Variants in EPHA6 observed in about 807,000 individuals in gnomAD.
EPHA6 encodes the protein EPH receptor A6.
In EPHA6, 50 loss-of-function variants were observed where a neutral mutation model predicts 112.0. The observed-to-expected ratio is 0.45, with a 90% CI of 0.36 to 0.56. EPHA6 has a LOEUF of 0.56. Ranked by LOEUF, EPHA6 falls within the 20% of genes least tolerant of loss-of-function variation. The pLI, the probability that EPHA6 is intolerant of heterozygous loss-of-function variation, is 0.00. For synonymous variants in EPHA6, 529 were observed against 490.7 expected, an observed-to-expected ratio of 1.08 and a Z score of -1.03; for missense variants, 1,280 against 1,417.4, an observed-to-expected ratio of 0.90 and a Z score of 1.56.
At chr3:97,589,800 C>T (rs767875465) in intron 11 of EPHA6, among the ~76,000 whole-genome samples, 1 of 152,116 alleles carries the variant, frequency 6.6e-6, no homozygotes, top group Non-Finnish European at 1.5e-5. Context: ...AAATACTCCA[C>T]GGAATGTAAC....
chr3:96,995,400 TAA>T (rs1232873109), intron 3 of EPHA6, among the ~76,000 whole-genome samples: 1 of 152,118 alleles, frequency 6.6e-6, no homozygotes, highest in East Asian at 1.9e-4. Flanking sequence ...ACACTGAATA[TAA>T]ACTCTTATAT....
chr3:97,676,893 A>G (rs1419511138), intron 14 of EPHA6, among the ~76,000 whole-genome samples: 1 of 152,186 alleles, frequency 6.6e-6, no homozygotes, highest in African/African-American at 2.4e-5. Context: ...TTTGCAGTTT[A>G]GAAGAAAGGA....
intron 2 of EPHA6, among the ~76,000 whole-genome samples, chr3:96,915,644 A>G (rs575884511): frequency 3.3e-5 from 5 of 152,258 alleles, no homozygotes; most frequent in African/African-American, 1.2e-4. Context: ...GGGTTTAAAT[A>G]AAAATATGCG....
Position 97,113,853 on chromosome 3 carries a change from G to A in EPHA6, c.1115-112411G>A, listed in dbSNP as rs72922307. Among the ~76,000 whole-genome samples the A allele has an allele frequency of 8.2e-3, 1,247 of 152,028 alleles. 19 individuals carry two copies. Among genetic ancestry groups the A allele is most frequent in the African/African-American group, 0.022 (929 of 41,482 alleles). ...TTTTTTCTTATAATTCAGCTATAAG[G>A]AAAAGAAAAACAAAAACAATATTTT... On this transcript the variant is annotated intron_variant, in intron 3 of 17. Coordinates refer to ENST00000389672, the MANE Select transcript of EPHA6 (RefSeq NM_001080448.3).
At chr3:97,105,507 TCC>T (rs2047539316) in intron 3 of EPHA6, among the ~76,000 whole-genome samples, 2 of 152,180 alleles carry the variant, frequency 1.3e-5, no homozygotes, top group African/African-American at 2.4e-5. Context: ...TGGACTATTG[TCC>T]AATAGTGTGT....
intron 5 of EPHA6, among the ~76,000 whole-genome samples, chr3:97,267,258 C>T (rs1181505426): frequency 2.0e-5 from 3 of 152,028 alleles, no homozygotes; most frequent in African/African-American, 4.8e-5. Context: ...TCCAATGGGT[C>T]TATCTTGGTG....
intron 1 of EPHA6, among the ~76,000 whole-genome samples, chr3:96,835,303 A>G (rs556112068): frequency 6.6e-6 from 1 of 152,232 alleles, no homozygotes; most frequent in East Asian, 1.9e-4. Context: ...TGTGGTGATG[A>G]AAGTATGTAC....
intron 13 of EPHA6, among the ~76,000 whole-genome samples, chr3:97,620,941 C>G (rs1394692875): frequency 1.3e-5 from 2 of 151,986 alleles, no homozygotes; most frequent in Non-Finnish European, 2.9e-5. Context: ...AGAAATCGTT[C>G]TATTATAAAC....
At chr3:97,649,238 C>A (rs960603562) in intron 14 of EPHA6, among the ~76,000 whole-genome samples, 1 of 152,014 alleles carries the variant, frequency 6.6e-6, no homozygotes, top group Non-Finnish European at 1.5e-5. Context: ...TGGTGACAGG[C>A]AAGTGAGAGC....
At chr3:97,143,469 A>G (rs140240555) in intron 3 of EPHA6, among the ~76,000 whole-genome samples, 2,830 of 151,896 alleles carry the variant, frequency 0.019, 42 homozygotes, top group South Asian at 0.038. Flanking sequence ...AGATTGTACC[A>G]TATCTGTATT....
chr3:96,995,003 G>C (rs1450584233), intron 3 of EPHA6, among the ~76,000 whole-genome samples: 1 of 151,884 alleles, frequency 6.6e-6, no homozygotes, highest in East Asian at 1.9e-4. Context: ...TTTTCTAGTA[G>C]TGCATTAAAA....
intron 3 of EPHA6, among the ~76,000 whole-genome samples, chr3:97,052,870 C>T (rs1456908478): frequency 6.6e-6 from 1 of 152,076 alleles, no homozygotes; most frequent in Non-Finnish European, 1.5e-5. Flanking sequence ...CCATCTCTAT[C>T]AGGGGAGGCC....
At chr3:97,720,464 T>G (rs1237444607) in intron 15 of EPHA6, 54 bp downstream of exon 15, 2 of 1,483,326 alleles carry the variant, frequency 1.3e-6, no homozygotes, top group East Asian at 4.9e-5. Flanking sequence ...CACATTAGCT[T>G]GAGGGGGAAT....
chr3:97,178,583 C>T (rs2076900308), intron 3 of EPHA6, among the ~76,000 whole-genome samples: 1 of 152,034 alleles, frequency 6.6e-6, no homozygotes, highest in African/African-American at 2.4e-5. Context: ...GTCTTTATTT[C>T]TCCTTTATGT....
intron 3 of EPHA6, among the ~76,000 whole-genome samples, chr3:97,196,559 A>G (rs1366301074): frequency 6.6e-6 from 1 of 152,044 alleles, no homozygotes; most frequent in Non-Finnish European, 1.5e-5. Context: ...CAGGCATTGA[A>G]GAGTTGGATA....
At position 96,850,322 on chromosome 3, in the gene EPHA6, G is replaced by GAT. The variant is rs1225350137; in HGVS notation, c.386-16501_386-16500dup. ...AGTCAGAAGCTGGACTGCACCAGGA[G>GAT]ATAGCCCAATAATTAGCGCTTAGGG... On this transcript the variant is annotated intron_variant, in intron 1 of 17. Coordinates refer to ENST00000389672, the MANE Select transcript of EPHA6 (RefSeq NM_001080448.3). Among the ~76,000 whole-genome samples the GAT allele has an allele frequency of 3.3e-5, 5 of 152,250 alleles. No homozygotes were observed. In the East Asian group the frequency reaches 9.7e-4, roughly 29 times the overall value.
Position 97,544,769 on chromosome 3 carries a change from G to T in EPHA6, c.2386+12226G>T, listed in dbSNP as rs371992909. ...TATTGATTATTGCCTCAATTTCAGA[G>T]CCTGTTATTGGTCTATTCAGAGATT... On this transcript the variant is annotated intron_variant, in intron 11 of 17. Transcript: ENST00000389672. Among the ~76,000 whole-genome samples the T allele has an allele frequency of 3.6e-4, 55 of 152,268 alleles. 1 individual carries two copies. In the East Asian group the frequency reaches 9.6e-3, roughly 27 times the overall value.
rs538691449 is a variant in EPHA6 at position 97,483,458 on chromosome 3, C to G, written c.2075-476C>G. ...TCTATGCCATGAAGTCAGTTCTTTA[C>G]TGCTTGAGGTTTTCTGGAAAAGGGG... On this transcript the variant is annotated intron_variant, in intron 9 of 17. Transcript: ENST00000389672. 2.0e-5 allele frequency among the ~76,000 whole-genome samples: 3 copies of G among 152,266 alleles called. No homozygotes were observed. In the East Asian group the frequency reaches 5.8e-4, roughly 29 times the overall value.
At chr3:97,320,041 C>G (rs2082035817) in intron 5 of EPHA6, among the ~76,000 whole-genome samples, 1 of 152,002 alleles carries the variant, frequency 6.6e-6, no homozygotes, top group Non-Finnish European at 1.5e-5. Context: ...CTCTCCTCAC[C>G]CTCTTTCTTT....
Sources: allele counts gnomAD v4.1 joint callset (sites outside exome capture counted in the v4.1 genomes callset), GRCh38; gene constraint gnomAD v4.1.1; transcripts MANE v1.5; gene names NCBI Gene and HGNC (gene_info 2026-07-23, HGNC 2026-07-21).